LARGE1: variants seen among roughly 807,000 people sequenced by gnomAD.
LARGE1 encodes the protein LARGE xylosyl- and glucuronyltransferase 1, also known as xylosyl- and glucuronyltransferase LARGE1.
In LARGE1, 43 loss-of-function variants were observed where a neutral mutation model predicts 87.6. The observed-to-expected ratio is 0.49, with a 90% CI of 0.38 to 0.63. The LOEUF is 0.63. Ranked by LOEUF, LARGE1 falls within the 30% of genes least tolerant of loss-of-function variation. LARGE1 has a pLI of 0.00. For missense variants in LARGE1, 802 were observed against 1,000.2 expected (o/e 0.80, Z 2.67); for synonymous variants, 434 against 394.6 (o/e 1.10, Z -1.18).
At chr22:33,554,869 CA>C (rs2148717479) in intron 6 of LARGE1, among the ~76,000 whole-genome samples, 1 of 152,292 alleles carries the variant, frequency 6.6e-6, no homozygotes, top group South Asian at 2.1e-4. Flanking sequence ...GTTCATTTGA[CA>C]AATAGTTATC....
chr22:33,393,321 C>T (rs2065598049), intron 7 of LARGE1, among the ~76,000 whole-genome samples: 1 of 152,118 alleles, frequency 6.6e-6, no homozygotes, highest in East Asian at 1.9e-4. Flanking sequence ...GCAGTGCTTT[C>T]AAAATATGAA....
chr22:33,177,277 A>C (rs1266164116), intron 11 of LARGE1, among the ~76,000 whole-genome samples: 3 of 152,242 alleles, frequency 2.0e-5, no homozygotes, highest in African/African-American at 7.2e-5. Context: ...CACGTTCTGC[A>C]CATGTACCCC....
intron 12 of LARGE1, among the ~76,000 whole-genome samples, chr22:33,290,172 C>T (rs1327875975): frequency 6.6e-6 from 1 of 152,134 alleles, no homozygotes; most frequent in Non-Finnish European, 1.5e-5. Flanking sequence ...TCCCTCCCTC[C>T]ATCTCATTCT....
At chr22:33,401,846 T>C (rs2065935871) in intron 7 of LARGE1, among the ~76,000 whole-genome samples, 1 of 152,218 alleles carries the variant, frequency 6.6e-6, no homozygotes. Context: ...CAGTCTGTGG[T>C]ATTTTGTTAC....
intron 6 of LARGE1, among the ~76,000 whole-genome samples, chr22:33,446,489 A>T (rs1405771987): frequency 2.0e-5 from 3 of 152,168 alleles, no homozygotes; most frequent in African/African-American, 7.2e-5. Flanking sequence ...CCTGACACTA[A>T]TTCTGGGTAG....
intron 1 of LARGE1, among the ~76,000 whole-genome samples, chr22:33,785,364 A>G (rs1425730744): frequency 6.6e-6 from 1 of 152,116 alleles, no homozygotes; most frequent in South Asian, 2.1e-4. Flanking sequence ...TGAAGTATTC[A>G]GATGTTACAC....
At chr22:33,583,496 G>C (rs1016094552) in intron 5 of LARGE1, among the ~76,000 whole-genome samples, 3 of 152,160 alleles carry the variant, frequency 2.0e-5, no homozygotes, top group Non-Finnish European at 2.9e-5. Flanking sequence ...TTTGGACTTA[G>C]TAGCAATCAA....
At chr22:33,261,236 C>G (rs1224156540) in intron 11 of LARGE1, among the ~76,000 whole-genome samples, 1 of 152,174 alleles carries the variant, frequency 6.6e-6, no homozygotes, top group Non-Finnish European at 1.5e-5. Flanking sequence ...ATTGTGACAG[C>G]TAGAGGCTTC....
intron 11 of LARGE1, among the ~76,000 whole-genome samples, chr22:33,245,584 G>C (rs145542416): frequency 6.6e-6 from 1 of 152,170 alleles, no homozygotes; most frequent in African/African-American, 2.4e-5. Flanking sequence ...AATGCCTCAG[G>C]ATCTTGATGC....
At chr22:33,557,600 C>T (rs2077730099) in intron 6 of LARGE1, among the ~76,000 whole-genome samples, 2 of 152,194 alleles carry the variant, frequency 1.3e-5, no homozygotes, top group African/African-American at 2.4e-5. Context: ...CAGTCTCGCT[C>T]TGTCGCCCAG....
intron 6 of LARGE1, among the ~76,000 whole-genome samples, chr22:33,554,282 T>A (rs2077612645): frequency 6.6e-6 from 1 of 152,166 alleles, no homozygotes; most frequent in Non-Finnish European, 1.5e-5. Flanking sequence ...TCCCCTCTGC[T>A]GTCCCTGCAG....
intron 6 of LARGE1, among the ~76,000 whole-genome samples, chr22:33,537,106 C>T (rs762114837): frequency 1.1e-4 from 17 of 152,112 alleles, no homozygotes; most frequent in East Asian, 1.9e-4. Context: ...CCACCGCGCC[C>T]AGTGAAAGGC....
chr22:33,903,254 T>C (rs546473114), intron 1 of LARGE1, among the ~76,000 whole-genome samples: 9 of 152,242 alleles, frequency 5.9e-5, no homozygotes, highest in African/African-American at 2.2e-4. Context: ...GGAGACCATA[T>C]GAAAACAGCA....
chr22:33,183,328 C>A (rs918361511), intron 11 of LARGE1, among the ~76,000 whole-genome samples: 2 of 152,024 alleles, frequency 1.3e-5, no homozygotes, highest in East Asian at 3.9e-4. Context: ...CAAGAGATAA[C>A]AAGTGGTAGC....
At chr22:33,154,170 A>G in the LARGE1 span, among the ~76,000 whole-genome samples, 61 of 110,028 alleles carry the variant, frequency 5.5e-4, 1 homozygote, top group East Asian at 9.7e-3. Context: ...TGTTATATGG[A>G]AAAAAAAAAA....
chr22:33,827,263 G>C (rs138862357), intron 1 of LARGE1, among the ~76,000 whole-genome samples: 2,590 of 151,960 alleles, frequency 0.017, 81 homozygotes, highest in African/African-American at 0.059. Context: ...CCAGCTACTC[G>C]GGAGGCCAAG....
chr22:33,843,687 CTT>C (rs1568979004), intron 1 of LARGE1, among the ~76,000 whole-genome samples: 1 of 151,912 alleles, frequency 6.6e-6, no homozygotes, highest in Non-Finnish European at 1.5e-5. Flanking sequence ...GAAAACAAGT[CTT>C]ATCCTGCAGG....
At chr22:33,520,323 A>G (rs1360290298) in intron 6 of LARGE1, among the ~76,000 whole-genome samples, 1 of 151,772 alleles carries the variant, frequency 6.6e-6, no homozygotes, top group African/African-American at 2.4e-5. Flanking sequence ...CAATCCTTGC[A>G]CCTCAGCCTC....
chr22:33,203,018 T>C (rs1472999203), intron 11 of LARGE1, among the ~76,000 whole-genome samples: 4 of 152,002 alleles, frequency 2.6e-5, no homozygotes, highest in Non-Finnish European at 4.4e-5. Context: ...AAAAAACATA[T>C]CTCTGAAGTT....
Sources: gnomAD v4.1 joint callset for allele counts (sites outside exome capture counted in the v4.1 genomes callset) on GRCh38, gnomAD v4.1.1 for gene constraint, MANE v1.5 for transcripts, NCBI Gene and HGNC (gene_info 2026-07-23, HGNC 2026-07-21) for gene names.